The following SIPA1L3 variants were observed in gnomAD, a reference collection of about 807,000 sequenced individuals.
SIPA1L3 encodes the protein signal-induced proliferation-associated 1-like protein 3.
In SIPA1L3, 59 loss-of-function variants were observed where a neutral mutation model predicts 150.1. That is an observed-to-expected ratio of 0.39 (90% CI 0.32 to 0.49). The LOEUF is 0.49. SIPA1L3 is among the 20% of genes least tolerant of loss of function. The pLI is 0.86. For synonymous variants in SIPA1L3, 1,070 were observed against 1,077.6 expected (o/e 0.99, Z 0.14); for missense variants, 2,211 against 2,489.5 (o/e 0.89, Z 2.38).
intron 1 of SIPA1L3, among the ~76,000 whole-genome samples, chr19:38,002,784 A>G (rs551121368): frequency 5.4e-5 from 8 of 148,962 alleles, no homozygotes; most frequent in African/African-American, 1.2e-4. Flanking sequence ...TTGCTTATCT[A>G]TTTATCTGTT....
intron 2 of SIPA1L3, among the ~76,000 whole-genome samples, chr19:38,055,288 TG>T (rs1234948827): frequency 2.6e-5 from 4 of 152,112 alleles, no homozygotes; most frequent in Non-Finnish European, 5.9e-5. Flanking sequence ...GCGCCACTGT[TG>T]GGGGGTGCAG....
At chr19:38,079,192 G>C (rs959202815) in intron 2 of SIPA1L3, among the ~76,000 whole-genome samples, 1 of 152,206 alleles carries the variant, frequency 6.6e-6, no homozygotes, top group Admixed American at 6.5e-5. Context: ...AATTAGCCAG[G>C]TATGGTGGCA....
chr19:38,205,823 C>T (rs1973197574), intron 21 of SIPA1L3, among the ~76,000 whole-genome samples: 1 of 152,172 alleles, frequency 6.6e-6, no homozygotes, highest in Non-Finnish European at 1.5e-5. Flanking sequence ...GTTTGTCAAG[C>T]GATGACTCCA....
chr19:37,977,663 G>T (rs1377827687), intron 1 of SIPA1L3, among the ~76,000 whole-genome samples: 1 of 152,086 alleles, frequency 6.6e-6, no homozygotes, highest in South Asian at 2.1e-4. Flanking sequence ...CAGAAGTTGG[G>T]GCAGAGACTC....
At chr19:37,928,120 T>A (rs1465423179) in intron 1 of SIPA1L3, among the ~76,000 whole-genome samples, 1 of 152,140 alleles carries the variant, frequency 6.6e-6, no homozygotes, top group Non-Finnish European at 1.5e-5. Flanking sequence ...TATTTTTAGT[T>A]CTTTGAGGAA....
chr19:38,071,263 A>ATCTG (rs1568532309), intron 2 of SIPA1L3, among the ~76,000 whole-genome samples: 3 of 139,000 alleles, frequency 2.2e-5, no homozygotes, highest in Non-Finnish European at 4.7e-5. Context: ...CTATCTATCT[A>ATCTG]TCTGCCTGCC....
chr19:37,988,000 T>G (rs1240984294), intron 1 of SIPA1L3, among the ~76,000 whole-genome samples: 2 of 152,182 alleles, frequency 1.3e-5, no homozygotes, highest in Non-Finnish European at 1.5e-5. Flanking sequence ...TGTCCCAAAT[T>G]CTCTCTCTAT....
intron 2 of SIPA1L3, among the ~76,000 whole-genome samples, chr19:38,040,149 T>C (rs547804841): frequency 2.6e-4 from 40 of 152,284 alleles, no homozygotes; most frequent in Middle Eastern, 3.4e-3. Context: ...AAATGTTCCG[T>C]ATATCCTCTC....
intron 2 of SIPA1L3, among the ~76,000 whole-genome samples, chr19:38,074,907 A>T (rs2145807428): frequency 6.6e-6 from 1 of 152,166 alleles, no homozygotes; most frequent in Non-Finnish European, 1.5e-5. Context: ...TAAGTTTTAA[A>T]ATTTTTTGTA....
intron 15 of SIPA1L3, among the ~76,000 whole-genome samples, chr19:38,177,645 G>A (rs1047535850): frequency 4.0e-5 from 6 of 151,656 alleles, no homozygotes; most frequent in Admixed American, 3.3e-4. Flanking sequence ...ACCATGCATC[G>A]TTTCCATTTA....
At chr19:38,140,343 C>T (rs538838802) in intron 10 of SIPA1L3, among the ~76,000 whole-genome samples, 2 of 151,538 alleles carry the variant, frequency 1.3e-5, no homozygotes, top group Non-Finnish European at 2.9e-5. Flanking sequence ...CCAGCCTGGT[C>T]TAGGGGGAGT....
At chr19:37,985,960 T>C (rs557692278) in intron 1 of SIPA1L3, among the ~76,000 whole-genome samples, 1 of 152,396 alleles carries the variant, frequency 6.6e-6, no homozygotes, top group East Asian at 1.9e-4. Flanking sequence ...TGCGCCGTCA[T>C]GCGAGCAAAG....
In SIPA1L3 at chr19:37,933,381, C is replaced by T. The variant is rs74495081; in HGVS notation, c.-379+26023C>T. On this transcript the variant is annotated intron_variant, in intron 1 of 21. Transcript: ENST00000222345. ...AGGCCTCTCTCCTTATTAAATTGCA[C>T]CTTCTCCCTCACCCTCGCCCTTACT... Among the ~76,000 whole-genome samples, 1,266 of 152,220 alleles carry T rather than the reference C, an allele frequency of 8.3e-3. 9 individuals are homozygous for T. Among genetic ancestry groups the T allele is most frequent in the Middle Eastern group, 0.014 (4 of 294 alleles).
chr19:38,082,468 C>T lies in SIPA1L3; in HGVS notation c.903C>T (p.Ile301=). Residue 301 remains isoleucine (I), a synonymous_variant, in exon 3 of 22, where the codon ATC becomes ATT. Transcript: ENST00000222345. ...LGGGDTVDSS[I]FRKLRSSKPE... is the part of the protein sequence containing the mutation. ...GCGGGGACACGGTGGACTCGTCCAT[C>T]TTTCGGAAGCTAAGGAGCAGCAAAC... The T allele has an allele frequency of 6.3e-7, 1 of 1,589,958 alleles. No homozygotes were observed. Among genetic ancestry groups the T allele is most frequent in the Non-Finnish European group, 8.6e-7 (1 of 1,168,266 alleles).
chr19:38,183,063 C>CA (rs1376279874), intron 16 of SIPA1L3: 2 of 283,944 alleles, frequency 7.0e-6, no homozygotes, highest in Non-Finnish European at 6.5e-6. Flanking sequence ...CAGTGAGTGA[C>CA]ACGGTTGCCT....
At chr19:38,203,483 C>A (rs1973136000) in intron 20 of SIPA1L3, among the ~76,000 whole-genome samples, 1 of 152,096 alleles carries the variant, frequency 6.6e-6, no homozygotes. Context: ...AGCGGCCAGG[C>A]AGGCCCAGGG....
chr19:38,052,578 GA>G (rs1342071940), intron 2 of SIPA1L3, among the ~76,000 whole-genome samples: 6 of 152,238 alleles, frequency 3.9e-5, no homozygotes, highest in Non-Finnish European at 8.8e-5. Flanking sequence ...AGCAGGCTAG[GA>G]AAAGGGCAGG....
chr19:38,130,477 G>C (rs530477501), intron 9 of SIPA1L3, 21 bp from the exon 10 acceptor site: 448 of 1,596,932 alleles, frequency 2.8e-4, no homozygotes, highest in Non-Finnish European at 3.6e-4. Flanking sequence ...TCTGAGGCTC[G>C]ATCCTGCCTG....
chr19:38,058,491 C>CACATA (rs1337015401), intron 2 of SIPA1L3, among the ~76,000 whole-genome samples: 1 of 152,158 alleles, frequency 6.6e-6, no homozygotes, highest in East Asian at 1.9e-4. Flanking sequence ...TGTCCTGAAA[C>CACATA]TGCCTCTGTG....
Sources: allele counts gnomAD v4.1 joint callset (sites outside exome capture counted in the v4.1 genomes callset), GRCh38; gene constraint gnomAD v4.1.1; transcripts MANE v1.5; gene names NCBI Gene and HGNC (gene_info 2026-07-23, HGNC 2026-07-21).